AP1S2: variants seen among roughly 807,000 people sequenced by gnomAD.
The protein encoded by AP1S2 is AP-1 complex subunit sigma-2.
Under a neutral mutation model 14.3 loss-of-function variants are expected in AP1S2, and 1 was observed. The observed-to-expected ratio is 0.07, with a 90% CI of 0.02 to 0.33. The LOEUF is 0.33. Among genes scored for constraint, AP1S2 ranks in the 10% least tolerant of loss-of-function variants. AP1S2 has a pLI of 0.99. For missense variants in AP1S2, 30 were observed against 117.7 expected, an observed-to-expected ratio of 0.25 and a Z score of 3.45; for synonymous variants, 30 against 40.5, an observed-to-expected ratio of 0.74 and a Z score of 0.99.
At position 15,845,417 on chromosome X, in the gene AP1S2, C is replaced by T; in HGVS notation, c.388G>A (p.Val130Ile). 1 of 1,210,135 alleles carries T rather than the reference C, an allele frequency of 8.3e-7. No individual in the cohort carries two copies. ...TCAGCCTGCTCAATTGCTTTAAGGA[C>T]ATTTTTCTTGGATGTTTCCTGAACT... ...GEVQETSKKNVLKAIEQADLL... is the reference protein window; with the variant it reads ...GEVQETSKKNILKAIEQADLL... The change falls in exon 4 of 6, where the codon GTC becomes ATC. Residue 130 changes from valine (V) to isoleucine (I), a missense_variant. Coordinates refer to ENST00000672987, the MANE Select transcript of AP1S2 (RefSeq NM_001272071.2).
At position 15,826,705 on chromosome X, in the gene AP1S2, G is replaced by A. The variant is rs2147294602; in HGVS notation, c.*620C>T. The A allele has an allele frequency of 9.3e-6, 1 of 107,261 alleles. No homozygotes were observed. The highest frequency in any genetic ancestry group is 1.0e-4 in the Admixed American group (1 of 9,864). The allele number at this position is 107,261 out of a possible 1,213,427, so 8.8% of individuals were successfully genotyped here. A position where few individuals can be genotyped will look rare whatever the true frequency, so the allele number is the denominator to read the frequency against. On this transcript the variant is annotated 3_prime_UTR_variant, in exon 6 of 6. Coordinates refer to ENST00000672987, the MANE Select transcript of AP1S2 (RefSeq NM_001272071.2). ...CTGTTTCTCATCCCAGATTCAGAAT[G>A]CCTAAGAAATAATTTTTAGTGTAAG...
intron 4 of AP1S2, among the ~76,000 whole-genome samples, chrX:15,837,692 C>T (rs1338810754): frequency 9.4e-6 from 1 of 106,177 alleles, no homozygotes; most frequent in African/African-American, 3.5e-5. Context: ...CTGCAACCTC[C>T]GACTCCCTGG....
At chrX:15,829,423 C>T (rs151209698) in intron 4 of AP1S2, among the ~76,000 whole-genome samples, 1 of 111,758 alleles carries the variant, frequency 8.9e-6, no homozygotes, top group East Asian at 2.8e-4. Context: ...CTACAGTTTA[C>T]ATTCTCAGCT....
chrX:15,838,923 T>C (rs1933737835), intron 4 of AP1S2, among the ~76,000 whole-genome samples: 1 of 110,709 alleles, frequency 9.0e-6, no homozygotes, highest in African/African-American at 3.3e-5. Flanking sequence ...AATTTTTGTA[T>C]TTTTTGTAGA....
At chrX:15,850,356 C>T (rs182317241) in intron 2 of AP1S2, among the ~76,000 whole-genome samples, 58 of 109,936 alleles carry the variant, frequency 5.3e-4, no homozygotes, top group Admixed American at 1.5e-3. Flanking sequence ...CTGCTCTCTC[C>T]GCTTTGTTGT....
intron 4 of AP1S2, among the ~76,000 whole-genome samples, chrX:15,834,480 A>ATATATATATATATATATATATATATAT (rs1483118039): frequency 9.8e-5 from 2 of 20,365 alleles, no homozygotes; most frequent in East Asian, 1.8e-3. Context: ...ATATATATAT[A>ATATATATATATATATATATATATATAT]ATTTTTTTTT....
chrX:15,838,456 G>C (rs1233741672), intron 4 of AP1S2, among the ~76,000 whole-genome samples: 5 of 109,616 alleles, frequency 4.6e-5, no homozygotes, highest in African/African-American at 1.7e-4. Flanking sequence ...GTGAAAAAAG[G>C]ACTCAAACGT....
At position 15,854,723 on chromosome X, in the gene AP1S2, C is replaced by A. The variant is rs1477549297; in HGVS notation, c.-36G>T. On this transcript the variant is annotated 5_prime_UTR_variant, in exon 1 of 6. Coordinates refer to ENST00000672987, the MANE Select transcript of AP1S2 (RefSeq NM_001272071.2). ...GGCCGCGGGCGCGGCGGAGCTTGGC[C>A]GGCGGCGGCGGCGGCGGCGAAGGGG... 9.1e-6 allele frequency: 7 copies of A among 773,019 alleles called. No individual in the cohort carries two copies. The highest frequency in any genetic ancestry group is 1.1e-5 in the Non-Finnish European group (7 of 648,706). 63.7% of individuals were successfully genotyped at this position (773,019 alleles called of 1,213,427 possible). A position where few individuals can be genotyped will look rare whatever the true frequency, so the allele number is the denominator to read the frequency against.
chrX:15,831,137 T>A, intron 4 of AP1S2: 1 of 737,648 alleles, frequency 1.4e-6, no homozygotes, highest in African/African-American at 2.3e-5. Flanking sequence ...ACTGCTTATT[T>A]TGACCTAGCA....
intron 1 of AP1S2, 22 bp from the exon 2 acceptor site, chrX:15,852,546 A>C (rs1483761047): frequency 8.5e-7 from 1 of 1,171,375 alleles, no homozygotes; most frequent in Non-Finnish European, 1.2e-6. Context: ...AATAAAATCA[A>C]GATTACATGT....
At position 15,854,791 on chromosome X, in the gene AP1S2, T is replaced by A; in HGVS notation, c.-104A>T. On this transcript the variant is annotated 5_prime_UTR_variant, in exon 1 of 6. Transcript: ENST00000672987. ...CTGAGGAAGAGAAGCCGTGGTGCTG[T>A]GGGGAGGACACCCGGCTGGCATAGG... 1.3e-6 allele frequency: 1 copy of A among 798,289 alleles called. No homozygotes were observed. The highest frequency in any genetic ancestry group is 1.5e-6 in the Non-Finnish European group (1 of 667,527). The allele number at this position is 798,289 out of a possible 1,213,427, so 65.8% of individuals were successfully genotyped here.
rs374565433 is a variant in AP1S2, at chrX:15,827,282, A to C, written c.*43T>G. 2 of 1,103,468 alleles carry C rather than the reference A, an allele frequency of 1.8e-6. No individual in the cohort carries two copies. The highest frequency in any genetic ancestry group is 2.5e-6 in the Non-Finnish European group (2 of 796,849). 90.9% of individuals were successfully genotyped at this position (1,103,468 alleles called of 1,213,427 possible). ...GGACATGAAGGGAGTGACCATCTACAGTGTGTGAAATGCCACAAGAAGTCA... is the reference window on the plus strand; with the variant it reads ...GGACATGAAGGGAGTGACCATCTACCGTGTGTGAAATGCCACAAGAAGTCA... On this transcript the variant is annotated 3_prime_UTR_variant, in exon 6 of 6. Coordinates refer to ENST00000672987, the MANE Select transcript of AP1S2 (RefSeq NM_001272071.2).
At chrX:15,844,290 C>T (rs1220640872) in intron 4 of AP1S2, among the ~76,000 whole-genome samples, 2 of 107,642 alleles carry the variant, frequency 1.9e-5, no homozygotes, top group Non-Finnish European at 3.8e-5. Context: ...AAACTGAATG[C>T]CTCCAAGGCT....
chrX:15,850,639 A>G (rs1275372608), intron 2 of AP1S2, among the ~76,000 whole-genome samples: 1 of 108,763 alleles, frequency 9.2e-6, no homozygotes, highest in Non-Finnish European at 1.9e-5. Flanking sequence ...TCCCACTTCT[A>G]GAGGTGACCA....
chrX:15,827,075 C>T lies in AP1S2; in HGVS notation c.*250G>A. On this transcript the variant is annotated 3_prime_UTR_variant, in exon 6 of 6. Coordinates refer to ENST00000672987, the MANE Select transcript of AP1S2 (RefSeq NM_001272071.2). ...CATAATCAGATTAAGAGAAACTGAC[C>T]TTTAAACTTTAAAATATCCAGAAAA... The T allele has an allele frequency of 2.6e-6, 1 of 386,903 alleles. No individual in the cohort carries two copies. Among genetic ancestry groups the T allele is most frequent in the East Asian group, 4.4e-5 (1 of 22,943 alleles). The allele number at this position is 386,903 out of a possible 1,213,427, so 31.9% of individuals were successfully genotyped here. A position where few individuals can be genotyped will look rare whatever the true frequency, so the allele number is the denominator to read the frequency against.
At chrX:15,848,526 A>G (rs1934067492) in intron 2 of AP1S2, among the ~76,000 whole-genome samples, 1 of 112,160 alleles carries the variant, frequency 8.9e-6, no homozygotes, top group Non-Finnish European at 1.9e-5. Flanking sequence ...AGCTTTGAAG[A>G]GAAGTAAAAT....
At chrX:15,832,060 T>C (rs1285300305) in intron 4 of AP1S2, 4 of 749,194 alleles carry the variant, frequency 5.3e-6, no homozygotes, top group South Asian at 6.8e-5. Flanking sequence ...CGTTTACTTA[T>C]ACCTACAAAA....
chrX:15,834,365 C>G (rs1443908666), intron 4 of AP1S2, among the ~76,000 whole-genome samples: 2 of 94,476 alleles, frequency 2.1e-5, no homozygotes, highest in Admixed American at 1.2e-4. Context: ...CCCATTATCA[C>G]CACATAACCA....
At chrX:15,836,272 A>G (rs1233750373) in intron 4 of AP1S2, among the ~76,000 whole-genome samples, 1 of 112,209 alleles carries the variant, frequency 8.9e-6, no homozygotes, top group Non-Finnish European at 1.9e-5. Flanking sequence ...AAAACAAAAT[A>G]CAGCTTTTAA....
Sources: gnomAD v4.1 joint callset for allele counts (sites outside exome capture counted in the v4.1 genomes callset) on GRCh38, gnomAD v4.1.1 for gene constraint, MANE v1.5 for transcripts, NCBI Gene and HGNC (gene_info 2026-07-23, HGNC 2026-07-21) for gene names.